The following MYORG variants were observed in gnomAD, a reference collection of about 807,000 sequenced individuals.
The protein encoded by MYORG is alpha-galactosidase MYORG.
In MYORG, 45 loss-of-function variants were observed where a neutral mutation model predicts 49.8. The observed-to-expected ratio is 0.90, with a 90% CI of 0.71 to 1.16. The LOEUF (loss-of-function observed/expected upper bound fraction) is 1.16, where lower values mean the gene tolerates loss of function less well. Ranked by LOEUF, MYORG falls within the 50% of genes most tolerant of loss-of-function variation. The pLI is 0.00. For missense variants in MYORG, 1,110 were observed against 1,026.5 expected (o/e 1.08, Z -1.11); for synonymous variants, 552 against 462.9 (o/e 1.19, Z -2.47).
Position 34,372,074 on chromosome 9 carries a change from G to A in MYORG, c.870C>T (p.Thr290=), listed in dbSNP as rs1051188145. The A allele has an allele frequency of 3.7e-6, 6 of 1,613,582 alleles. No individual in the cohort carries two copies. Among genetic ancestry groups the A allele is most frequent in the Non-Finnish European group, 5.1e-6 (6 of 1,179,878 alleles). The change falls in exon 2 of 2, where the codon ACC becomes ACT. Residue 290 remains threonine (T), a synonymous_variant. Coordinates refer to ENST00000297625, the MANE Select transcript of MYORG (RefSeq NM_020702.5). The part of the protein sequence containing the change: ...SYRVCVGSDV[T]SIHKYMVRRY... Reference sequence around the variant, plus strand: ...GACGCACCATGTACTTGTGGATGGAGGTGACGTCTGAGCCCACGCACACTC... The same window carrying A: ...GACGCACCATGTACTTGTGGATGGAAGTGACGTCTGAGCCCACGCACACTC...
rs755074237 is a variant in MYORG at position 34,371,552 on chromosome 9, C to G, written c.1392G>C (p.Ala464=). 1 of 1,604,976 alleles carries G rather than the reference C, an allele frequency of 6.2e-7. No homozygotes were observed. Among genetic ancestry groups the G allele is most frequent in the Non-Finnish European group, 8.5e-7 (1 of 1,179,108 alleles). Reference sequence around the variant, plus strand: ...CCCGCGGCAGGTAGCTGACCTCGCCCGCGTCGAACTTGAAGGAAGCCACGG... The same window carrying G: ...CCCGCGGCAGGTAGCTGACCTCGCCGGCGTCGAACTTGAAGGAAGCCACGG... The part of the protein sequence containing the change: ...RYSVASFKFD[A]GEVSYLPRDF... The change falls in exon 2 of 2, where the codon GCG becomes GCC. Residue 464 remains alanine, a synonymous_variant. Transcript: ENST00000297625.
chr9:34,372,133 C>A lies in MYORG; in HGVS notation c.811G>T (p.Ala271Ser). The stretch of plus-strand genomic sequence containing the variant: ...AGCTCTGGCGCTGCGGCGCGGCCGG[C>A]GGGTGGCTTGTAGGGCGTGTCGTGG... ...RYHDTPYKPP[A>S]GRAAAPELSY... The change falls in exon 2 of 2, where the codon GCC becomes TCC. Residue 271 changes from alanine (A) to serine (S), a missense_variant. By Grantham distance (99) the Ala-to-Ser change is moderately conservative. Transcript: ENST00000297625. 1.9e-6 allele frequency: 3 copies of A among 1,611,958 alleles called. No individual in the cohort carries two copies. Among genetic ancestry groups the A allele is most frequent in the Non-Finnish European group, 2.5e-6 (3 of 1,179,702 alleles).
At position 34,372,934 on chromosome 9, in the gene MYORG, T is replaced by C; in HGVS notation, c.10A>G (p.Asn4Asp). 1 of 1,613,330 alleles carries C rather than the reference T, an allele frequency of 6.2e-7. No individual in the cohort carries two copies. Among genetic ancestry groups the C allele is most frequent in the South Asian group, 1.1e-5 (1 of 91,034 alleles). ...TAGGCCTGGCTCTTCTCCTGAGGGT[T>C]CTGGAGCATTAGTGGGCTGCTAAGA... MLQ[N>D]PQEKSQAYPR... The change falls in exon 2 of 2, where the codon AAC becomes GAC. Residue 4 changes from asparagine to aspartate, a missense_variant. Asn to Asp is a conservative substitution (Grantham distance 23). Coordinates refer to ENST00000297625, the MANE Select transcript of MYORG (RefSeq NM_020702.5).
At position 34,376,614 on chromosome 9, in the gene MYORG, C is replaced by T. The variant is rs1820724134; in HGVS notation, c.-64+179G>A. Among the ~76,000 whole-genome samples the T allele has an allele frequency of 6.6e-6, 1 of 152,344 alleles. No individual in the cohort carries two copies. The highest frequency in any genetic ancestry group is 1.5e-5 in the Non-Finnish European group (1 of 68,022). On this transcript the variant is annotated intron_variant, in intron 1 of 1. Coordinates refer to ENST00000297625, the MANE Select transcript of MYORG (RefSeq NM_020702.5). This position sits in a 1 kb window ranked among gnomAD's most constrained non-coding sequence, Gnocchi z 4.4. ...CGCCCTCCCTACCCCGCCCTGAAGG[C>T]TATACTGTCCGAAGGGGCCGACCGA...
chr9:34,373,870 A>G (rs1416743239), intron 1 of MYORG, among the ~76,000 whole-genome samples: 3 of 152,204 alleles, frequency 2.0e-5, no homozygotes, highest in African/African-American at 7.2e-5. Context: ...AAGCCTGATG[A>G]AGTCTGGAGA....
At position 34,371,858 on chromosome 9, in the gene MYORG, G is replaced by C; in HGVS notation, c.1086C>G (p.Asp362Glu). ...IDDMYTPAYG[D>E]FDFDEVKFPN... ...GGAATTTGACCTCATCGAAGTCGAA[G>C]TCGCCATAAGCAGGTGTGTACATGT... Residue 362 changes from aspartate to glutamate, a missense_variant, in exon 2 of 2, where the codon GAC (aspartate) becomes GAG (glutamate). Asp to Glu is a conservative substitution (Grantham distance 45). Coordinates refer to ENST00000297625, the MANE Select transcript of MYORG (RefSeq NM_020702.5). 1 of 1,614,072 alleles carries C rather than the reference G, an allele frequency of 6.2e-7. No individual in the cohort carries two copies. Among genetic ancestry groups the C allele is most frequent in the Non-Finnish European group, 8.5e-7 (1 of 1,179,896 alleles).
Position 34,372,181 on chromosome 9 carries a change from A to G in MYORG, c.763T>C (p.Ser255Pro). Residue 255 changes from serine (S) to proline (P), a missense_variant, in exon 2 of 2, where the codon TCG becomes CCG. By Grantham distance (74) the Ser-to-Pro change is moderately conservative (BLOSUM62 -1). Coordinates refer to ENST00000297625, the MANE Select transcript of MYORG (RefSeq NM_020702.5). ...FHLGWNSTER[S>P]LRLQARYHDT... ...TGGTAGCGCGCCTGAAGCCGCAGCG[A>G]GCGCTCCGTGCTGTTCCAGCCCAGG... 1 of 1,611,538 alleles carries G rather than the reference A, an allele frequency of 6.2e-7. No individual in the cohort carries two copies. The highest frequency in any genetic ancestry group is 8.5e-7 in the Non-Finnish European group (1 of 1,179,258).
rs1007445046 is a variant in MYORG at position 34,376,189 on chromosome 9, A to G, written c.-64+604T>C. ...TGCTGCTGCTTGCTCCACGCGGACC[A>G]CGAAGACCACGAGGGCAGCAAAGAG... On this transcript the variant is annotated intron_variant, in intron 1 of 1. Transcript: ENST00000297625. The surrounding 1 kb of genome is among the most constrained non-coding windows in gnomAD (Gnocchi z 4.4). 6.6e-6 allele frequency among the ~76,000 whole-genome samples: 1 copy of G among 152,226 alleles called. No homozygotes were observed. The highest frequency in any genetic ancestry group is 2.4e-5 in the African/African-American group (1 of 41,458).
In MYORG at chr9:34,368,549, T is replaced by C. The variant is rs1820534475; in HGVS notation, c.*2250A>G. ...TCCCTCGAGTTCAAAGTTCCACAAA[T>C]CTCTAGGGCAGGGGCAAAATGCAGC... On this transcript the variant is annotated 3_prime_UTR_variant, in exon 2 of 2. Transcript: ENST00000297625. The C allele has an allele frequency of 6.6e-6, 1 of 152,184 alleles. No homozygotes were observed. The highest frequency in any genetic ancestry group is 1.5e-5 in the Non-Finnish European group (1 of 68,066). 9.4% of individuals were successfully genotyped at this position (152,184 alleles called of 1,614,324 possible).
intron 1 of MYORG, among the ~76,000 whole-genome samples, chr9:34,373,452 C>T (rs533308932): frequency 1.3e-5 from 2 of 152,150 alleles, no homozygotes; most frequent in Admixed American, 1.3e-4. Flanking sequence ...CCAGCCAGCT[C>T]CTTGAGACTT....
chr9:34,371,173 T>C lies in MYORG; in HGVS notation c.1771A>G (p.Ile591Val), dbSNP rs115786753. 8.0e-5 allele frequency: 129 copies of C among 1,610,630 alleles called. No homozygotes were observed. In the African/African-American group the frequency reaches 1.5e-3, roughly 18 times the overall value. Residue 591 changes from isoleucine to valine, a missense_variant, in exon 2 of 2, where the codon ATC becomes GTC. Ile to Val is a conservative substitution (Grantham distance 29, BLOSUM62 3). Coordinates refer to ENST00000297625, the MANE Select transcript of MYORG (RefSeq NM_020702.5). Reference protein sequence around the residue: ...AAFMPAMQFSIPPWRYDAEVV... With the variant: ...AAFMPAMQFSVPPWRYDAEVV... ...TCCGCGTCGTAGCGCCAGGGCGGGA[T>C]AGAGAACTGCATGGCCGGCATAAAG...
At position 34,372,875 on chromosome 9, in the gene MYORG, G is replaced by C. The variant is rs4879782; in HGVS notation, c.69C>G (p.Tyr23Ter). 339,089 of 1,613,778 alleles carry C rather than the reference G, an allele frequency of 0.21. 38,295 individuals carry two copies. The highest frequency in any genetic ancestry group is 0.35 in the African/African-American group (26,347 of 74,968). The change falls in exon 2 of 2, where the codon TAC (tyrosine) becomes TAG (stop). Residue 23 changes from tyrosine to a stop codon, truncating the protein, a stop_gained. Transcript: ENST00000297625. LOFTEE classifies it high-confidence loss of function. ...PRRRRPGCYA[Y>*]RQNPEAIAAA... is the part of the protein sequence containing the mutation. ...CTGCGATGGCCTCGGGGTTCTGACGGTATGCGTAGCAGCCAGGCCGGCGGC... is the reference window on the plus strand; with the variant it reads ...CTGCGATGGCCTCGGGGTTCTGACGCTATGCGTAGCAGCCAGGCCGGCGGC...
intron 1 of MYORG, among the ~76,000 whole-genome samples, chr9:34,374,296 T>TA (rs1820686187): frequency 6.6e-6 from 1 of 152,220 alleles, no homozygotes; most frequent in South Asian, 2.1e-4. Context: ...AAACCATATC[T>TA]ATCCCTAGCT....
rs1820552280 is a variant in MYORG at position 34,369,573 on chromosome 9, T to A, written c.*1226A>T. 6.6e-6 allele frequency: 1 copy of A among 150,402 alleles called. No individual in the cohort carries two copies. The highest frequency in any genetic ancestry group is 2.5e-5 in the African/African-American group (1 of 40,736). 9.3% of individuals were successfully genotyped at this position (150,402 alleles called of 1,614,324 possible). On this transcript the variant is annotated 3_prime_UTR_variant, in exon 2 of 2. Transcript: ENST00000297625. ...CATGCCTGTAATCTCAGCTACTCAA[T>A]CGCTTGAACCTAGGAGGAGGGGTTG...
In MYORG at chr9:34,371,439, T is replaced by A. The variant is rs575279953; in HGVS notation, c.1505A>T (p.Glu502Val). ...CTGTGACTGGTAGCCTACGCGCACC[T>A]CCGCCAGCGAGAAGAAGGGCAGCGC... ...EMALPFFSLA[E>V]VRVGYQSQNI... Residue 502 changes from glutamate (E) to valine (V), a missense_variant, in exon 2 of 2, where the codon GAG becomes GTG. Glu to Val is a moderately radical substitution (Grantham distance 121). Coordinates refer to ENST00000297625, the MANE Select transcript of MYORG (RefSeq NM_020702.5). 2.5e-5 allele frequency: 41 copies of A among 1,612,968 alleles called. 1 individual carries two copies. In the East Asian group the frequency reaches 9.1e-4, roughly 36 times the overall value.
At chr9:34,374,799 G>A (rs1032480278) in intron 1 of MYORG, among the ~76,000 whole-genome samples, 1 of 151,750 alleles carries the variant, frequency 6.6e-6, no homozygotes, top group African/African-American at 2.4e-5. Flanking sequence ...CTACTTGGGG[G>A]GCTGAGGTGG....
rs1200237722 is a variant in MYORG at position 34,368,482 on chromosome 9, TTGC to T, written c.*2314_*2316del. 1 of 152,378 alleles carries T rather than the reference TTGC, an allele frequency of 6.6e-6. No homozygotes were observed. Among genetic ancestry groups the T allele is most frequent in the African/African-American group, 2.4e-5 (1 of 41,458 alleles). The allele number at this position is 152,378 out of a possible 1,614,324, so 9.4% of individuals were successfully genotyped here. A position where few individuals can be genotyped will look rare whatever the true frequency, so the allele number is the denominator to read the frequency against. Reference sequence around the variant, plus strand: ...GCACCCAAGTCACCTCATGAATGCTTTGCTGCTTAGAAATTTCTTCTGCCAGAT... The same window carrying T: ...GCACCCAAGTCACCTCATGAATGCTTTGCTTAGAAATTTCTTCTGCCAGAT... On this transcript the variant is annotated 3_prime_UTR_variant, in exon 2 of 2. Transcript: ENST00000297625.
chr9:34,370,865 C>T lies in MYORG; in HGVS notation c.2079G>A (p.Thr693=). The T allele has an allele frequency of 1.9e-6, 3 of 1,607,336 alleles. No homozygotes were observed. Among genetic ancestry groups the T allele is most frequent in the Non-Finnish European group, 2.6e-6 (3 of 1,174,552 alleles). The change falls in exon 2 of 2, where the codon ACG becomes ACA. Residue 693 remains threonine (T), a synonymous_variant. Transcript: ENST00000297625. Reference sequence around the variant, plus strand: ...CCGGGTAATCGGTGAGCAGCACCGGCGTCTTGTCGAAAAGCTCACCCTTGT... The same window carrying T: ...CCGGGTAATCGGTGAGCAGCACCGGTGTCTTGTCGAAAAGCTCACCCTTGT... The part of the protein sequence containing the change: ...RSYKGELFDK[T]PVLLTDYPVD...
At position 34,371,872 on chromosome 9, in the gene MYORG, G is replaced by C. The variant is rs1190934246; in HGVS notation, c.1072C>G (p.Pro358Ala). Residue 358 changes from proline to alanine, a missense_variant, in exon 2 of 2, where the codon CCT becomes GCT. Physicochemically the swap from Pro to Ala is conservative, Grantham distance 27. Coordinates refer to ENST00000297625, the MANE Select transcript of MYORG (RefSeq NM_020702.5). ...SHLEIDDMYT[P>A]AYGDFDFDEV... ...TCGAAGTCGAAGTCGCCATAAGCAG[G>C]TGTGTACATGTCGTCGATTTCCAGG... 6.2e-7 allele frequency: 1 copy of C among 1,614,092 alleles called. No homozygotes were observed. Among genetic ancestry groups the C allele is most frequent in the Admixed American group, 1.7e-5 (1 of 60,036 alleles).
Sources: allele counts gnomAD v4.1 joint callset (sites outside exome capture counted in the v4.1 genomes callset), GRCh38; gene constraint gnomAD v4.1.1; non-coding constraint Gnocchi (gnomAD v3.1); transcripts MANE v1.5; gene names NCBI Gene and HGNC (gene_info 2026-07-23, HGNC 2026-07-21).